The following CHCHD6 variants were observed in gnomAD, a reference collection of about 807,000 sequenced individuals.
CHCHD6 encodes MICOS complex subunit MIC25.
CHCHD6 carries 28 observed loss-of-function variants against 32.3 expected under a neutral mutation model. The observed-to-expected ratio is 0.87, with a 90% confidence interval of 0.64 to 1.19. The LOEUF (loss-of-function observed/expected upper bound fraction) is 1.19, where lower values mean the gene tolerates loss of function less well. Ranked by LOEUF, CHCHD6 falls within the 50% of genes most tolerant of loss-of-function variation. The pLI is 0.00. For synonymous variants in CHCHD6, 122 were observed against 117.5 expected, an observed-to-expected ratio of 1.04 and a Z score of -0.25; for missense variants, 333 against 307.0, an observed-to-expected ratio of 1.08 and a Z score of -0.63.
intron 4 of CHCHD6, among the ~76,000 whole-genome samples, chr3:126,814,768 A>C (rs942235414): frequency 1.3e-5 from 2 of 152,136 alleles, no homozygotes; most frequent in African/African-American, 4.8e-5. Flanking sequence ...GAGCCACTCC[A>C]TCAAATTAAT....
rs995717690 is a variant in CHCHD6, at chr3:126,935,085, A to G, written c.566+20335A>G. On this transcript the variant is annotated intron_variant, in intron 6 of 7. Transcript: ENST00000290913. ...TTTTGGAAAGAATATCTATCTTGCCATTCGTTCCAGGGTTTACTTGTGAGC... is the reference window on the plus strand; with the variant it reads ...TTTTGGAAAGAATATCTATCTTGCCGTTCGTTCCAGGGTTTACTTGTGAGC... The G allele has an allele frequency of 1.3e-5, 13 of 982,668 alleles. 1 individual carries two copies. Among genetic ancestry groups the G allele is most frequent in the East Asian group, 1.1e-4 (1 of 8,782 alleles). The allele number at this position is 982,668 out of a possible 1,614,324, so 60.9% of individuals were successfully genotyped here.
intron 6 of CHCHD6, among the ~76,000 whole-genome samples, chr3:126,928,931 T>G (rs2078362728): frequency 6.6e-6 from 1 of 152,182 alleles, no homozygotes; most frequent in African/African-American, 2.4e-5. Flanking sequence ...TGGAACAAGT[T>G]CAGTTGCCAG....
At position 126,774,975 on chromosome 3, in the gene CHCHD6, C is replaced by T. The variant is rs139228016; in HGVS notation, c.411+41753C>T. Among the ~76,000 whole-genome samples the T allele has an allele frequency of 5.9e-3, 891 of 152,306 alleles. 8 individuals are homozygous for T. Among genetic ancestry groups the T allele is most frequent in the African/African-American group, 0.02 (838 of 41,556 alleles). Reference sequence around the variant, plus strand: ...GCAAGAAGAAAACTCAGGGAATCCACTGTCCTATCATTCTGGGTCCTGAGG... The same window carrying T: ...GCAAGAAGAAAACTCAGGGAATCCATTGTCCTATCATTCTGGGTCCTGAGG... On this transcript the variant is annotated intron_variant, in intron 4 of 7. Transcript: ENST00000290913.
chr3:126,750,833 C>T (rs985301640), intron 4 of CHCHD6, among the ~76,000 whole-genome samples: 2 of 152,250 alleles, frequency 1.3e-5, no homozygotes, highest in Non-Finnish European at 2.9e-5. Flanking sequence ...AACAGGTGGG[C>T]AGGCAGTTCT....
chr3:126,792,603 T>C (rs1389614887), intron 4 of CHCHD6, among the ~76,000 whole-genome samples: 1 of 152,178 alleles, frequency 6.6e-6, no homozygotes, highest in Non-Finnish European at 1.5e-5. Flanking sequence ...ATTTAATACT[T>C]TGTGGTCAGA....
At chr3:126,902,313 C>T (rs2077940109) in intron 5 of CHCHD6, among the ~76,000 whole-genome samples, 1 of 152,174 alleles carries the variant, frequency 6.6e-6, no homozygotes, top group South Asian at 2.1e-4. Context: ...AGTTGAGGGC[C>T]ACAGCATGGC....
At chr3:126,850,019 AGT>A (rs1941417599) in intron 4 of CHCHD6, among the ~76,000 whole-genome samples, 1 of 152,006 alleles carries the variant, frequency 6.6e-6, no homozygotes, top group Non-Finnish European at 1.5e-5. Context: ...CAGATCAGTG[AGT>A]GTCTGCTCTG....
At chr3:126,922,705 G>GTA (rs1404844120) in intron 6 of CHCHD6, among the ~76,000 whole-genome samples, 1 of 151,520 alleles carries the variant, frequency 6.6e-6, no homozygotes, top group East Asian at 1.9e-4. Flanking sequence ...ATTGACTCCC[G>GTA]TGTGTATGTG....
chr3:126,958,366 A>G (rs2078816638), intron 7 of CHCHD6, among the ~76,000 whole-genome samples: 2 of 152,250 alleles, frequency 1.3e-5, no homozygotes, highest in Non-Finnish European at 2.9e-5. Context: ...GTGAAAATGT[A>G]TGGGAGAAAC....
rs561367904 is a variant in CHCHD6 at position 126,879,014 on chromosome 3, C to T, written c.495+26284C>T. On this transcript the variant is annotated intron_variant, in intron 5 of 7. Coordinates refer to ENST00000290913, the MANE Select transcript of CHCHD6 (RefSeq NM_032343.3). Reference sequence around the variant, plus strand: ...GCTTGTGGCAGTGGATGCTGGCTGTCGGTTGGGACCTTTGCTGGGCTCTTG... The same window carrying T: ...GCTTGTGGCAGTGGATGCTGGCTGTTGGTTGGGACCTTTGCTGGGCTCTTG... 9.8e-5 allele frequency among the ~76,000 whole-genome samples: 15 copies of T among 152,326 alleles called. No homozygotes were observed. In the South Asian group the frequency reaches 2.5e-3, roughly 25 times the overall value.
chr3:126,920,455 G>T (rs2078231408), intron 6 of CHCHD6, among the ~76,000 whole-genome samples: 2 of 151,830 alleles, frequency 1.3e-5, no homozygotes, highest in South Asian at 4.2e-4. Context: ...TAGGGATGTG[G>T]CTTTCCAGGG....
chr3:126,916,654 G>A (rs1187047612), intron 6 of CHCHD6, among the ~76,000 whole-genome samples: 1 of 152,194 alleles, frequency 6.6e-6, no homozygotes, highest in African/African-American at 2.4e-5. Flanking sequence ...CAGACACCCT[G>A]CCCCCACTGG....
At chr3:126,865,789 G>A (rs1942269741) in intron 5 of CHCHD6, 1 of 951,434 alleles carries the variant, frequency 1.1e-6, no homozygotes, top group Non-Finnish European at 1.3e-6. Flanking sequence ...CTACTACTTT[G>A]CAGAAATCCT....
chr3:126,807,686 C>T lies in CHCHD6; in HGVS notation c.412-44961C>T, dbSNP rs58212020. On this transcript the variant is annotated intron_variant, in intron 4 of 7. Transcript: ENST00000290913. ...CGTTAGTTCGTAGCCCATTAGCTTTCGAAAATAGACCTATACCAGGATACA... is the reference window on the plus strand; with the variant it reads ...CGTTAGTTCGTAGCCCATTAGCTTTTGAAAATAGACCTATACCAGGATACA... 1.7e-3 allele frequency among the ~76,000 whole-genome samples: 261 copies of T among 152,230 alleles called. 1 individual carries two copies. The highest frequency in any genetic ancestry group is 0.012 in the East Asian group (63 of 5,186).
chr3:126,957,776 A>T, intron 7 of CHCHD6: 1 of 619,826 alleles, frequency 1.6e-6, no homozygotes, highest in South Asian at 1.9e-5. Context: ...CAGGGAGATG[A>T]TCCCTGTTGC....
intron 5 of CHCHD6, among the ~76,000 whole-genome samples, chr3:126,876,759 A>C (rs1423131804): frequency 6.6e-6 from 1 of 152,254 alleles, no homozygotes; most frequent in Non-Finnish European, 1.5e-5. Context: ...CATTTATTCC[A>C]TTAAGATAAA....
chr3:126,824,476 G>T (rs1055404068), intron 4 of CHCHD6, among the ~76,000 whole-genome samples: 8 of 140,486 alleles, frequency 5.7e-5, no homozygotes, highest in Non-Finnish European at 1.2e-4. Context: ...CAGGAGAATC[G>T]CTTGAACCCG....
At chr3:126,802,071 C>T (rs1159503213) in intron 4 of CHCHD6, among the ~76,000 whole-genome samples, 1 of 152,152 alleles carries the variant, frequency 6.6e-6, no homozygotes, top group East Asian at 1.9e-4. Context: ...TGTACATCAC[C>T]ATCATCAAAG....
At chr3:126,882,045 C>A (rs1171068606) in intron 5 of CHCHD6, among the ~76,000 whole-genome samples, 1 of 152,176 alleles carries the variant, frequency 6.6e-6, no homozygotes, top group East Asian at 1.9e-4. Context: ...AGGAATGAAT[C>A]TCTGGGTTGG....
Sources: gnomAD v4.1 joint callset for allele counts (sites outside exome capture counted in the v4.1 genomes callset) on GRCh38, gnomAD v4.1.1 for gene constraint, MANE v1.5 for transcripts, NCBI Gene and HGNC (gene_info 2026-07-23, HGNC 2026-07-21) for gene names.